The following MLLT3 variants were observed in gnomAD, a reference collection of about 807,000 sequenced individuals.
MLLT3 encodes MLLT3 super elongation complex subunit.
MLLT3 carries 4 observed loss-of-function variants against 53.2 expected under a neutral mutation model. The observed-to-expected ratio is 0.08, with a 90% CI of 0.04 to 0.17. The LOEUF is 0.17. Ranked by LOEUF, MLLT3 falls within the 10% of genes least tolerant of loss-of-function variation. The pLI is 1.00. For synonymous variants in MLLT3, 283 were observed against 230.6 expected (o/e 1.23, Z -2.06); for missense variants, 569 against 684.0 (o/e 0.83, Z 1.87).
chr9:20,414,153 T>A lies in MLLT3; in HGVS notation c.693A>T (p.Glu231Asp). The A allele has an allele frequency of 6.2e-7, 1 of 1,614,202 alleles. No homozygotes were observed. The highest frequency in any genetic ancestry group is 8.5e-7 in the Non-Finnish European group (1 of 1,180,024). ...TATTTTCTTTGGGTTTCTTAGAGGA[T>A]TCTTTGGAAGATTTGTTGTGATCCC... is the stretch of plus-strand genomic sequence containing the variant. ...PSRDHNKSSKESSKKPKENKP... is the reference protein window; with the variant it reads ...PSRDHNKSSKDSSKKPKENKP... Residue 231 changes from glutamate (E) to aspartate (D), a missense_variant, in exon 5 of 11, where the codon GAA (glutamate) becomes GAT (aspartate). By Grantham distance (45) the Glu-to-Asp change is conservative. This residue lies in a region of MLLT3 where 437 missense variants were observed against 376.5 expected (regional missense o/e 1.16). Coordinates refer to ENST00000380338, the MANE Select transcript of MLLT3 (RefSeq NM_004529.4).
chr9:20,609,711 C>G (rs910949316), intron 2 of MLLT3, among the ~76,000 whole-genome samples: 1 of 152,056 alleles, frequency 6.6e-6, no homozygotes, highest in African/African-American at 2.4e-5. Flanking sequence ...CCGATATGAT[C>G]AGAAATTAAC....
intron 3 of MLLT3, among the ~76,000 whole-genome samples, chr9:20,454,968 T>C (rs903960921): frequency 2.6e-5 from 4 of 152,210 alleles, no homozygotes; most frequent in Non-Finnish European, 5.9e-5. Flanking sequence ...AAATGAGGTA[T>C]ACTTCACATC....
Position 20,538,554 on chromosome 9 carries a change from AG to A in MLLT3, c.194-81769del, listed in dbSNP as rs200822104. 0.01 allele frequency among the ~76,000 whole-genome samples: 1,528 copies of A among 152,338 alleles called. 57 individuals are homozygous for A. The East Asian group carries it at 0.13, about 13-fold the overall frequency. ...CACCATCTGCAATTTCTTTTGAAAAAGTAAATTCGTATACCAAAGTTGCTCC... is the reference window on the plus strand; with the variant it reads ...CACCATCTGCAATTTCTTTTGAAAAATAAATTCGTATACCAAAGTTGCTCC... On this transcript the variant is annotated intron_variant, in intron 2 of 10. Transcript: ENST00000380338.
chr9:20,366,692 C>T (rs753892745), intron 5 of MLLT3, among the ~76,000 whole-genome samples: 2 of 152,214 alleles, frequency 1.3e-5, no homozygotes, highest in Non-Finnish European at 2.9e-5. Flanking sequence ...TCTCCACATC[C>T]TCTCCAGCAT....
intron 5 of MLLT3, among the ~76,000 whole-genome samples, chr9:20,405,071 G>A (rs1011353821): frequency 6.6e-6 from 1 of 152,100 alleles, no homozygotes; most frequent in African/African-American, 2.4e-5. Flanking sequence ...TGGAGCCCTC[G>A]TAGTAACACT....
intron 4 of MLLT3, among the ~76,000 whole-genome samples, chr9:20,432,655 C>CT (rs113168772): frequency 1.5e-3 from 226 of 150,948 alleles, no homozygotes; most frequent in African/African-American, 1.8e-3. Context: ...AAAAAAATCG[C>CT]TTTTTTTTTC....
intron 2 of MLLT3, among the ~76,000 whole-genome samples, chr9:20,526,412 A>AT (rs2118988571): frequency 6.6e-6 from 1 of 152,336 alleles, no homozygotes; most frequent in Non-Finnish European, 1.5e-5. Context: ...TGAACTTTTT[A>AT]TTAACAGAAG....
intron 2 of MLLT3, among the ~76,000 whole-genome samples, chr9:20,574,826 C>A (rs1340560980): frequency 6.6e-6 from 1 of 152,156 alleles, no homozygotes; most frequent in East Asian, 1.9e-4. Context: ...CATGTGATGC[C>A]GTTTGATAGC....
chr9:20,391,341 C>G (rs1175834608), intron 5 of MLLT3, among the ~76,000 whole-genome samples: 3 of 152,084 alleles, frequency 2.0e-5, no homozygotes, highest in African/African-American at 7.2e-5. Context: ...GGAACAGGTG[C>G]CTGAAGATTG....
intron 5 of MLLT3, among the ~76,000 whole-genome samples, chr9:20,408,460 T>C (rs530719800): frequency 1.3e-5 from 2 of 152,250 alleles, no homozygotes; most frequent in African/African-American, 4.8e-5. Context: ...TTAACTTTTG[T>C]CTGGTAATTT....
intron 5 of MLLT3, among the ~76,000 whole-genome samples, chr9:20,394,972 G>T (rs1011491149): frequency 6.6e-6 from 1 of 152,114 alleles, no homozygotes; most frequent in Non-Finnish European, 1.5e-5. Context: ...TGAGAGAAGA[G>T]CAGGTGAAAG....
At chr9:20,484,717 G>A (rs553952525) in intron 2 of MLLT3, among the ~76,000 whole-genome samples, 2 of 152,238 alleles carry the variant, frequency 1.3e-5, no homozygotes, top group Non-Finnish European at 2.9e-5. Context: ...TGTAAAGTCT[G>A]TAAAAAGAAC....
intron 8 of MLLT3, among the ~76,000 whole-genome samples, chr9:20,359,368 G>C (rs940485556): frequency 1.3e-5 from 2 of 152,120 alleles, no homozygotes; most frequent in East Asian, 3.9e-4. Context: ...AGAGGTAAAA[G>C]ACGGCTGGGC....
chr9:20,555,336 A>T (rs1383947713), intron 2 of MLLT3, among the ~76,000 whole-genome samples: 3 of 151,942 alleles, frequency 2.0e-5, no homozygotes, highest in African/African-American at 7.3e-5. Context: ...ATTTTTTTTT[A>T]ATAGAGACAG....
At position 20,360,849 on chromosome 9, in the gene MLLT3, GAAAC is replaced by G. The variant is rs774357052; in HGVS notation, c.1332-12_1332-9del. ...CCATCACTTAAGCTAACTCTGAAAA[GAAAC>G]AGACAAGTTATGCACATCATTACAA... On this transcript the variant is annotated splice_polypyrimidine_tract_variant and intron_variant, in intron 7 of 10. Coordinates refer to ENST00000380338, the MANE Select transcript of MLLT3 (RefSeq NM_004529.4). 25 of 1,610,150 alleles carry G rather than the reference GAAAC, an allele frequency of 1.6e-5. No individual in the cohort carries two copies. The highest frequency in any genetic ancestry group is 2.2e-5 in the South Asian group (2 of 90,960).
intron 3 of MLLT3, among the ~76,000 whole-genome samples, chr9:20,453,979 C>A (rs1194649051): frequency 2.0e-5 from 3 of 151,966 alleles, no homozygotes; most frequent in African/African-American, 7.2e-5. Context: ...TTAAAGAAAG[C>A]CTAAAACTAG....
intron 2 of MLLT3, among the ~76,000 whole-genome samples, chr9:20,506,441 C>G (rs1825383420): frequency 6.6e-6 from 1 of 152,136 alleles, no homozygotes; most frequent in South Asian, 2.1e-4. Flanking sequence ...GAATACAATT[C>G]CAGAGCCATA....
intron 4 of MLLT3, among the ~76,000 whole-genome samples, chr9:20,418,008 T>C (rs1339338058): frequency 6.6e-6 from 1 of 152,232 alleles, no homozygotes. Context: ...TTAACTGGCT[T>C]CTGTCTTGTG....
chr9:20,615,484 C>G (rs193093343), intron 2 of MLLT3, among the ~76,000 whole-genome samples: 1 of 148,064 alleles, frequency 6.8e-6, no homozygotes, highest in African/African-American at 2.5e-5. Context: ...GTTAGGTAAT[C>G]ATTCACCGGA....
Sources: allele counts gnomAD v4.1 joint callset (sites outside exome capture counted in the v4.1 genomes callset), GRCh38; gene constraint gnomAD v4.1.1; regional missense constraint gnomAD v4.1.1; transcripts MANE v1.5; gene names NCBI Gene and HGNC (gene_info 2026-07-23, HGNC 2026-07-21).